The following CHST8 variants were observed in gnomAD, a reference collection of about 807,000 sequenced individuals.
CHST8 encodes GALNAC-4-ST1.
CHST8 carries 10 observed loss-of-function variants against 15.0 expected under a neutral mutation model. That is an observed-to-expected ratio of 0.67 (90% CI 0.41 to 1.13). CHST8 has a LOEUF of 1.13. Among genes scored for constraint, CHST8 ranks in the 50% most tolerant of loss-of-function variants. The pLI is 0.00. For missense variants in CHST8, 634 were observed against 608.2 expected, an observed-to-expected ratio of 1.04 and a Z score of -0.45; for synonymous variants, 259 against 256.6, an observed-to-expected ratio of 1.01 and a Z score of -0.09.
chr19:33,733,057 C>T (rs1489578235), intron 3 of CHST8, among the ~76,000 whole-genome samples: 2 of 152,070 alleles, frequency 1.3e-5, no homozygotes, highest in Admixed American at 6.5e-5. Flanking sequence ...CAATCACCCT[C>T]CCCTCCTCTC....
At chr19:33,650,501 CT>C (rs1209646054) in intron 1 of CHST8, among the ~76,000 whole-genome samples, 1,404 of 50,766 alleles carry the variant, frequency 0.028, 9 homozygotes, top group African/African-American at 0.084. Context: ...TTTTCTTTTT[CT>C]TTTTCTTTTT....
chr19:33,639,096 AAAAAAAAAAAAAAGAG>A (rs1972243543), intron 1 of CHST8, among the ~76,000 whole-genome samples: 1 of 151,058 alleles, frequency 6.6e-6, no homozygotes, highest in African/African-American at 2.4e-5. Flanking sequence ...CAAAAAAAAA[AAAAAAAAAAAAAAGAG>A]GAGGTACAAT....
intron 3 of CHST8, among the ~76,000 whole-genome samples, chr19:33,722,029 T>C (rs966709825): frequency 3.6e-5 from 5 of 137,770 alleles, no homozygotes; most frequent in Non-Finnish European, 7.7e-5. Context: ...AGGTAGTGAG[T>C]GGGCATATGG....
At chr19:33,676,561 C>T (rs923112730) in intron 2 of CHST8, among the ~76,000 whole-genome samples, 1 of 151,014 alleles carries the variant, frequency 6.6e-6, no homozygotes, top group Non-Finnish European at 1.5e-5. Flanking sequence ...CAGAGAGAGA[C>T]TCCATCTCAA....
intron 3 of CHST8, among the ~76,000 whole-genome samples, chr19:33,750,606 G>A (rs970258592): frequency 6.6e-6 from 1 of 152,168 alleles, no homozygotes; most frequent in African/African-American, 2.4e-5. Flanking sequence ...TTCCCATCAG[G>A]GTCCAGAAGT....
intron 3 of CHST8, among the ~76,000 whole-genome samples, chr19:33,739,908 G>C (rs369877534): frequency 6.6e-6 from 1 of 152,102 alleles, no homozygotes; most frequent in South Asian, 2.1e-4. Context: ...CCTGGTGAGC[G>C]GTGCCTCCTC....
At chr19:33,701,621 A>C (rs1973338103) in intron 3 of CHST8, among the ~76,000 whole-genome samples, 1 of 152,132 alleles carries the variant, frequency 6.6e-6, no homozygotes, top group Non-Finnish European at 1.5e-5. Context: ...AGAAGAGGAG[A>C]TCTAATGAAG....
chr19:33,642,358 A>G (rs966203363), intron 1 of CHST8, among the ~76,000 whole-genome samples: 4 of 144,826 alleles, frequency 2.8e-5, no homozygotes, highest in Admixed American at 2.7e-4. Flanking sequence ...TTCCACCTTC[A>G]TAAGTCTTTT....
chr19:33,647,078 C>A (rs1437337556), intron 1 of CHST8, among the ~76,000 whole-genome samples: 2 of 152,102 alleles, frequency 1.3e-5, no homozygotes, highest in East Asian at 1.9e-4. Flanking sequence ...TACAAAGGTG[C>A]AAAGGTGGTT....
chr19:33,754,822 GATGTGAACCTTGA>G (rs1278061649), intron 3 of CHST8, among the ~76,000 whole-genome samples: 1 of 152,244 alleles, frequency 6.6e-6, no homozygotes, highest in Non-Finnish European at 1.5e-5. Context: ...ATCTGTTGTG[GATGTGAACCTTGA>G]AGTTGATTGC....
chr19:33,641,777 AG>A (rs34813319), intron 1 of CHST8, among the ~76,000 whole-genome samples: 1 of 151,160 alleles, frequency 6.6e-6, no homozygotes, highest in South Asian at 2.1e-4. Flanking sequence ...CTGCTTTGGA[AG>A]GGGGCAGTGG....
intron 3 of CHST8, among the ~76,000 whole-genome samples, chr19:33,762,514 C>G (rs1039703241): frequency 4.6e-5 from 7 of 152,264 alleles, no homozygotes; most frequent in African/African-American, 1.7e-4. Flanking sequence ...CGGTCAGAGC[C>G]GTCAGGCGCT....
intron 3 of CHST8, among the ~76,000 whole-genome samples, chr19:33,692,811 A>G (rs1973123272): frequency 6.6e-6 from 1 of 152,152 alleles, no homozygotes; most frequent in Admixed American, 6.5e-5. Context: ...ATGTTTTATC[A>G]TAGCGAATTT....
chr19:33,663,979 A>G (rs1403682273), intron 1 of CHST8, among the ~76,000 whole-genome samples: 1 of 152,248 alleles, frequency 6.6e-6, no homozygotes, highest in East Asian at 1.9e-4. Flanking sequence ...CCGTAGCACA[A>G]TATGTACATA....
chr19:33,668,072 A>G (rs1420870201), intron 2 of CHST8, among the ~76,000 whole-genome samples: 1 of 152,158 alleles, frequency 6.6e-6, no homozygotes, highest in Non-Finnish European at 1.5e-5. Context: ...CCCCGAGTGA[A>G]TGCGTCAGAC....
chr19:33,749,555 G>A (rs1029918262), intron 3 of CHST8, among the ~76,000 whole-genome samples: 1 of 151,662 alleles, frequency 6.6e-6, no homozygotes, highest in African/African-American at 2.4e-5. Flanking sequence ...GGTGCTCAAT[G>A]AACCCCATCA....
chr19:33,621,994 A>T lies in CHST8; in HGVS notation c.-466A>T, dbSNP rs2145426608. The T allele has an allele frequency of 6.6e-6, 1 of 151,988 alleles. No individual in the cohort carries two copies. Among genetic ancestry groups the T allele is most frequent in the African/African-American group, 2.4e-5 (1 of 41,468 alleles). 9.4% of individuals were successfully genotyped at this position (151,988 alleles called of 1,614,324 possible). A position where few individuals can be genotyped will look rare whatever the true frequency, so the allele number is the denominator to read the frequency against. On this transcript the variant is annotated 5_prime_UTR_variant, in exon 1 of 5. Coordinates refer to ENST00000650847, the MANE Select transcript of CHST8 (RefSeq NM_001127895.2). The stretch of plus-strand genomic sequence containing the variant: ...TCCCGGCGCGCAAGCCGGATCCGGC[A>T]GTGCTGCGGGGAGGAGAGAGGACGA...
At chr19:33,715,441 C>T (rs1025026152) in intron 3 of CHST8, among the ~76,000 whole-genome samples, 1 of 152,192 alleles carries the variant, frequency 6.6e-6, no homozygotes, top group African/African-American at 2.4e-5. Context: ...TAGATAGGAT[C>T]AGACCTTGAG....
chr19:33,751,234 A>G (rs1035826191), intron 3 of CHST8, among the ~76,000 whole-genome samples: 4 of 152,104 alleles, frequency 2.6e-5, no homozygotes, highest in African/African-American at 4.8e-5. Context: ...GCAGGGACCC[A>G]TATGTTCTCA....
Sources: allele counts gnomAD v4.1 joint callset (sites outside exome capture counted in the v4.1 genomes callset), GRCh38; gene constraint gnomAD v4.1.1; transcripts MANE v1.5; gene names NCBI Gene and HGNC (gene_info 2026-07-23, HGNC 2026-07-21).